Variants in ST18 observed in about 807,000 individuals in gnomAD.
ST18 encodes suppression of tumorigenicity 18 protein.
ST18 carries 50 observed loss-of-function variants against 110.0 expected under a neutral mutation model. The ratio of observed to expected loss-of-function variants is 0.45; its 90% CI spans 0.36 to 0.58. The LOEUF (loss-of-function observed/expected upper bound fraction) is 0.58, where lower values mean the gene tolerates loss of function less well. Among genes scored for constraint, ST18 ranks in the 20% least tolerant of loss-of-function variants. The pLI is 0.00. For missense variants in ST18, 1,306 were observed against 1,280.1 expected (o/e 1.02, Z -0.31); for synonymous variants, 461 against 452.4 (o/e 1.02, Z -0.24).
At chr8:52,200,355 C>A (rs1209349433) in intron 8 of ST18, among the ~76,000 whole-genome samples, 4 of 152,188 alleles carry the variant, frequency 2.6e-5, no homozygotes, top group Non-Finnish European at 5.9e-5. Flanking sequence ...GACAAGGAGG[C>A]ATTGAGCAAA....
At chr8:52,119,517 C>T (rs1217780140) in intron 23 of ST18, among the ~76,000 whole-genome samples, 1 of 152,070 alleles carries the variant, frequency 6.6e-6, no homozygotes. Context: ...CTTATACTTT[C>T]CTAGGGTGAC....
chr8:52,358,250 A>G (rs1824075586), intron 2 of ST18, among the ~76,000 whole-genome samples: 1 of 151,934 alleles, frequency 6.6e-6, no homozygotes, highest in African/African-American at 2.4e-5. Flanking sequence ...CTACTCAAAA[A>G]GAAAAAGGAT....
chr8:52,328,343 T>C (rs1052046413), intron 2 of ST18, among the ~76,000 whole-genome samples: 1 of 152,232 alleles, frequency 6.6e-6, no homozygotes, highest in Non-Finnish European at 1.5e-5. Context: ...AGAGACCTTA[T>C]CATATGGCCA....
intron 2 of ST18, among the ~76,000 whole-genome samples, chr8:52,299,565 C>G (rs1011126731): frequency 2.0e-5 from 3 of 152,160 alleles, no homozygotes; most frequent in African/African-American, 4.8e-5. Flanking sequence ...GTGCTTTGCT[C>G]TGTTATTTCT....
chr8:52,374,498 CTTTAT>C (rs1329572854), intron 2 of ST18, among the ~76,000 whole-genome samples: 1 of 152,046 alleles, frequency 6.6e-6, no homozygotes, highest in East Asian at 1.9e-4. Flanking sequence ...CCATTTTTTT[CTTTAT>C]TTTATTTTAT....
At chr8:52,182,987 T>C (rs1210187584) in intron 8 of ST18, among the ~76,000 whole-genome samples, 1 of 152,174 alleles carries the variant, frequency 6.6e-6, no homozygotes, top group East Asian at 1.9e-4. Flanking sequence ...ACAAACTGTA[T>C]CTTGTTAATA....
At chr8:52,356,865 C>T (rs1398028329) in intron 2 of ST18, among the ~76,000 whole-genome samples, 4 of 151,926 alleles carry the variant, frequency 2.6e-5, no homozygotes, top group Admixed American at 6.6e-5. Context: ...TAGAATGGTT[C>T]AATAGTAGAT....
rs1404629810 is a variant in ST18 at position 52,301,232 on chromosome 8, AAAAC to A, written c.-464-71159_-464-71156del. The stretch of plus-strand genomic sequence containing the variant: ...TAACTCCTTTGAGGAAAAAATTAGA[AAAAC>A]AATCTTTTCAATTTATTTTCCTAAA... On this transcript the variant is annotated intron_variant, in intron 2 of 25. Coordinates refer to ENST00000689386, the MANE Select transcript of ST18 (RefSeq NM_001352837.2). 2.0e-5 allele frequency among the ~76,000 whole-genome samples: 3 copies of A among 152,226 alleles called. No individual in the cohort carries two copies. The East Asian group carries it at 5.8e-4, about 29-fold the overall frequency.
chr8:52,214,342 A>G, intron 6 of ST18, 85 bp from the exon 7 acceptor site: 1 of 1,452,840 alleles, frequency 6.9e-7, no homozygotes. Context: ...TCTGAAGGTC[A>G]TTATGAAAAA....
At chr8:52,368,095 A>T (rs1467361944) in intron 2 of ST18, among the ~76,000 whole-genome samples, 1 of 152,114 alleles carries the variant, frequency 6.6e-6, no homozygotes, top group East Asian at 1.9e-4. Context: ...CTAAGAATAT[A>T]TTGCAGTGGC....
chr8:52,355,226 T>G (rs1214208229), intron 2 of ST18, among the ~76,000 whole-genome samples: 1 of 152,184 alleles, frequency 6.6e-6, no homozygotes, highest in Non-Finnish European at 1.5e-5. Flanking sequence ...AAGTTCACAG[T>G]GCCAAAGGAA....
chr8:52,113,963 T>TTTTTG, intron 25 of ST18, among the ~76,000 whole-genome samples: 1 of 100,468 alleles, frequency 1.0e-5, no homozygotes, highest in Non-Finnish European at 2.0e-5. Flanking sequence ...TGTTTTTTTT[T>TTTTTG]TTTTTTTTTT....
chr8:52,332,688 T>C (rs144938658), intron 2 of ST18, among the ~76,000 whole-genome samples: 1,704 of 152,006 alleles, frequency 0.011, 35 homozygotes, highest in African/African-American at 0.039. Flanking sequence ...CTGTCTTTAC[T>C]AAAAATACAA....
chr8:52,186,160 G>T (rs2072104328), intron 8 of ST18, among the ~76,000 whole-genome samples: 1 of 152,108 alleles, frequency 6.6e-6, no homozygotes, highest in Non-Finnish European at 1.5e-5. Context: ...GTGGGAGAAG[G>T]TATTTGCAGT....
intron 3 of ST18, among the ~76,000 whole-genome samples, chr8:52,225,937 G>C (rs2089219355): frequency 6.6e-6 from 1 of 152,192 alleles, no homozygotes; most frequent in African/African-American, 2.4e-5. Flanking sequence ...GATTGAAACT[G>C]TCCTTGTAAC....
chr8:52,151,016 C>A (rs2058680358), intron 15 of ST18: 1 of 152,152 alleles, frequency 6.6e-6, no homozygotes, highest in African/African-American at 2.4e-5. Flanking sequence ...TCGAATAACA[C>A]CTTTCTGGTA....
intron 21 of ST18, 142 bp from the exon 22 acceptor site, chr8:52,132,321 A>G: frequency 1.5e-6 from 1 of 666,356 alleles, no homozygotes; most frequent in South Asian, 2.2e-5. Flanking sequence ...AAACAGGCTC[A>G]GAGCTACGCG....
intron 2 of ST18, among the ~76,000 whole-genome samples, chr8:52,330,194 T>C (rs1329863346): frequency 6.6e-6 from 1 of 152,242 alleles, no homozygotes; most frequent in African/African-American, 2.4e-5. Context: ...AAGTTTATTA[T>C]TCTTATCTTC....
chr8:52,356,279 A>G (rs1002711165), intron 2 of ST18, among the ~76,000 whole-genome samples: 2 of 152,194 alleles, frequency 1.3e-5, no homozygotes, highest in African/African-American at 4.8e-5. Context: ...CTGGGAGAGT[A>G]TTTATTAATA....
Sources: gnomAD v4.1 joint callset for allele counts (sites outside exome capture counted in the v4.1 genomes callset) on GRCh38, gnomAD v4.1.1 for gene constraint, MANE v1.5 for transcripts, NCBI Gene and HGNC (gene_info 2026-07-23, HGNC 2026-07-21) for gene names.